CYP27C1: variants seen among roughly 807,000 people sequenced by gnomAD.
CYP27C1 encodes the protein cytochrome P450 27C1.
CYP27C1 carries 29 observed loss-of-function variants against 40.6 expected under a neutral mutation model. The observed-to-expected ratio is 0.71, with a 90% CI of 0.53 to 0.97. CYP27C1 has a LOEUF of 0.97. CYP27C1 is among the 50% of genes least tolerant of loss of function. The probability of loss-of-function intolerance (pLI) is 0.00; values close to 1 mark genes in which losing one functional copy is unlikely to be tolerated. For missense variants in CYP27C1, 390 were observed against 485.8 expected (o/e 0.80, Z 1.85); for synonymous variants, 198 against 186.8 (o/e 1.06, Z -0.49).
intron 8 of CYP27C1, 23 bp downstream of exon 8, chr2:127,193,071 A>G: frequency 5.0e-6 from 8 of 1,613,298 alleles, no homozygotes; most frequent in Non-Finnish European, 6.8e-6. Context: ...CCCAAAGGCC[A>G]ACGTTTGGCC....
In CYP27C1 at chr2:127,208,432, T is replaced by C. The variant is rs1683274700; in HGVS notation, c.283-2342A>G. Among the ~76,000 whole-genome samples the C allele has an allele frequency of 6.6e-6, 1 of 152,164 alleles. No individual in the cohort carries two copies. Among genetic ancestry groups the C allele is most frequent in the South Asian group, 2.1e-4 (1 of 4,828 alleles). On this transcript the variant is annotated intron_variant, in intron 1 of 8. Transcript: ENST00000664447. This position sits in a 1 kb window ranked among gnomAD's most constrained non-coding sequence, Gnocchi z 5.2. ...CCACCAGAGCCAAGCATCCCAACCCTGGTATGCACAGATTCCTACAGCCTC... is the reference window on the plus strand; with the variant it reads ...CCACCAGAGCCAAGCATCCCAACCCCGGTATGCACAGATTCCTACAGCCTC...
At position 127,185,517 on chromosome 2, in the gene CYP27C1, A is replaced by G. The variant is rs1025943798; in HGVS notation, c.*1754T>C. On this transcript the variant is annotated 3_prime_UTR_variant, in exon 9 of 9. Transcript: ENST00000664447. The surrounding 1 kb of genome is among the most constrained non-coding windows in gnomAD (Gnocchi z 4.9). The stretch of plus-strand genomic sequence containing the variant: ...TCATCTAGTTTATAAAACTTAATAT[A>G]CGTATACTGCTACCTCAAAGTAATC... 6.6e-6 allele frequency: 1 copy of G among 152,252 alleles called. No homozygotes were observed. Among genetic ancestry groups the G allele is most frequent in the Non-Finnish European group, 1.5e-5 (1 of 68,044 alleles). 9.4% of individuals were successfully genotyped at this position (152,252 alleles called of 1,614,324 possible).
chr2:127,215,793 T>C (rs1683420633), intron 1 of CYP27C1, among the ~76,000 whole-genome samples: 1 of 149,672 alleles, frequency 6.7e-6, no homozygotes, highest in Admixed American at 6.7e-5. Context: ...GTACCCAGAA[T>C]ATATAGAAAC....
chr2:127,204,606 A>AAGCAAGCAAGCAAGC (rs1558931534), intron 2 of CYP27C1, among the ~76,000 whole-genome samples: 11 of 100,948 alleles, frequency 1.1e-4, no homozygotes, highest in African/African-American at 4.6e-4. Flanking sequence ...AGAAAGAAAG[A>AAGCAAGCAAGCAAGC]AAGAAAGAAA....
At chr2:127,207,828 A>C (rs1392483321) in intron 1 of CYP27C1, among the ~76,000 whole-genome samples, 1 of 152,190 alleles carries the variant, frequency 6.6e-6, no homozygotes, top group East Asian at 1.9e-4. Context: ...AAATGGCAAG[A>C]CATGAAATAA....
In CYP27C1 at chr2:127,195,234, C is replaced by G; in HGVS notation, c.1214+101G>C. ...AATAACAGTCACGAACATCCTCATCCTGAACAGGTCAGCCGGGGGGGCATT... is the reference window on the plus strand; with the variant it reads ...AATAACAGTCACGAACATCCTCATCGTGAACAGGTCAGCCGGGGGGGCATT... On this transcript the variant is annotated intron_variant, in intron 6 of 8. Coordinates refer to ENST00000664447, the MANE Select transcript of CYP27C1 (RefSeq NM_001367502.1). This position sits in a 1 kb window ranked among gnomAD's most constrained non-coding sequence, Gnocchi z 6.2. The G allele has an allele frequency of 6.8e-7, 1 of 1,467,094 alleles. No individual in the cohort carries two copies. Among genetic ancestry groups the G allele is most frequent in the Non-Finnish European group, 9.4e-7 (1 of 1,065,600 alleles). The allele number at this position is 1,467,094 out of a possible 1,614,324, so 90.9% of individuals were successfully genotyped here.
chr2:127,205,539 A>G (rs1683205352), intron 2 of CYP27C1: 2 of 340,010 alleles, frequency 5.9e-6, no homozygotes, highest in African/African-American at 2.2e-5. Context: ...ATTTTCCTGA[A>G]ATAGTGACCA....
chr2:127,193,302 G>A lies in CYP27C1; in HGVS notation c.1294-5C>T. The A allele has an allele frequency of 6.2e-7, 1 of 1,614,128 alleles. No individual in the cohort carries two copies. The highest frequency in any genetic ancestry group is 8.5e-7 in the Non-Finnish European group (1 of 1,180,032). On this transcript the variant is annotated splice_polypyrimidine_tract_variant and splice_region_variant and intron_variant, in intron 7 of 8. Transcript: ENST00000664447. ...GTGGCAAAGGGCCAGCTGGGTCTGA[G>A]GAAATCAGGGATGACAGAAAAGGGA...
rs1207200740 is a variant in CYP27C1, at chr2:127,196,674, TC to T, written c.1048-1174del. Among the ~76,000 whole-genome samples, 6 of 152,172 alleles carry T rather than the reference TC, an allele frequency of 3.9e-5. No homozygotes were observed. The highest frequency in any genetic ancestry group is 1.4e-4 in the African/African-American group (6 of 41,444). ...AATTATAAAAGATTACTTAGATGCT[TC>T]CTATCAAGAGAATAGAAAATTTCTA... On this transcript the variant is annotated intron_variant, in intron 5 of 8. Coordinates refer to ENST00000664447, the MANE Select transcript of CYP27C1 (RefSeq NM_001367502.1). The surrounding 1 kb of genome is among the most constrained non-coding windows in gnomAD (Gnocchi z 4.5).
chr2:127,212,595 C>T (rs1253236840), intron 1 of CYP27C1, among the ~76,000 whole-genome samples: 1 of 152,032 alleles, frequency 6.6e-6, no homozygotes, highest in East Asian at 1.9e-4. Flanking sequence ...ATGCAGAAAA[C>T]GCCTTTGATA....
Position 127,184,929 on chromosome 2 carries a change from C to CCAGGCT in CYP27C1, c.*2341_*2342insAGCCTG. The CCAGGCT allele has an allele frequency of 6.6e-6, 1 of 152,414 alleles. No homozygotes were observed. Among genetic ancestry groups the CCAGGCT allele is most frequent in the East Asian group, 1.9e-4 (1 of 5,178 alleles). The allele number at this position is 152,414 out of a possible 1,614,324, so 9.4% of individuals were successfully genotyped here. On this transcript the variant is annotated 3_prime_UTR_variant, in exon 9 of 9. Transcript: ENST00000664447. Reference sequence around the variant, plus strand: ...CAACCTCCCAGACTTAAGCAATCCTCCAGCCTCAGCCTCCCAAATAGCTAG... The same window carrying CCAGGCT: ...CAACCTCCCAGACTTAAGCAATCCTCCAGGCTCAGCCTCAGCCTCCCAAATAGCTAG...
rs146690447 is a variant in CYP27C1, at chr2:127,201,255, G to T, written c.750C>A (p.Ile250=). Residue 250 remains isoleucine (I), a synonymous_variant, in exon 4 of 9, where the codon ATC becomes ATA. Coordinates refer to ENST00000664447, the MANE Select transcript of CYP27C1 (RefSeq NM_001367502.1). This position sits in a 1 kb window ranked among gnomAD's most constrained non-coding sequence, Gnocchi z 6.0. ...NSIPQLTVEY[I]EALELMFSMF... is the part of the protein sequence containing the mutation. ...TGCTAAACATGAGCTCCAGGGCCTCGATGTATTCCACAGTCAGCTGTGGGA... is the reference window on the plus strand; with the variant it reads ...TGCTAAACATGAGCTCCAGGGCCTCTATGTATTCCACAGTCAGCTGTGGGA... 2 of 1,609,032 alleles carry T rather than the reference G, an allele frequency of 1.2e-6. No homozygotes were observed. Among genetic ancestry groups the T allele is most frequent in the Non-Finnish European group, 1.7e-6 (2 of 1,177,484 alleles).
intron 8 of CYP27C1, among the ~76,000 whole-genome samples, chr2:127,190,679 G>A (rs1399545753): frequency 6.7e-6 from 1 of 148,848 alleles, no homozygotes; most frequent in East Asian, 2.1e-4. Flanking sequence ...AAGCGTGCTG[G>A]CTCACACCTG....
In CYP27C1 at chr2:127,184,794, AT is replaced by A. The variant is rs1288281904; in HGVS notation, c.*2476del. On this transcript the variant is annotated 3_prime_UTR_variant, in exon 9 of 9. Coordinates refer to ENST00000664447, the MANE Select transcript of CYP27C1 (RefSeq NM_001367502.1). ...TCCTATAGACCTCACTCTATTCTGG[AT>A]TTTGCTGACTGCATCCCCATGGAGT... The A allele has an allele frequency of 5.9e-5, 9 of 152,008 alleles. No individual in the cohort carries two copies. The highest frequency in any genetic ancestry group is 1.9e-4 in the African/African-American group (8 of 41,350). 9.4% of individuals were successfully genotyped at this position (152,008 alleles called of 1,614,324 possible).
chr2:127,215,145 A>T (rs1683408177), intron 1 of CYP27C1, among the ~76,000 whole-genome samples: 1 of 150,340 alleles, frequency 6.7e-6, no homozygotes. Flanking sequence ...AAAAAAAAAA[A>T]GACTTAGTAC....
intron 2 of CYP27C1, chr2:127,205,699 A>T (rs2104694047): frequency 1.0e-6 from 1 of 985,470 alleles, no homozygotes; most frequent in Non-Finnish European, 1.2e-6. Flanking sequence ...TGACGGGACA[A>T]CTCTGCACGG....
Position 127,196,667 on chromosome 2 carries a change from A to G in CYP27C1, c.1048-1166T>C, listed in dbSNP as rs550525865. 6.6e-6 allele frequency among the ~76,000 whole-genome samples: 1 copy of G among 152,360 alleles called. No homozygotes were observed. The highest frequency in any genetic ancestry group is 2.1e-4 in the South Asian group (1 of 4,826). ...TCTTATAAATTATAAAAGATTACTT[A>G]GATGCTTCCTATCAAGAGAATAGAA... On this transcript the variant is annotated intron_variant, in intron 5 of 8. Transcript: ENST00000664447. The surrounding 1 kb of genome is among the most constrained non-coding windows in gnomAD (Gnocchi z 4.5).
chr2:127,204,442 A>G (rs1322749259), intron 2 of CYP27C1, among the ~76,000 whole-genome samples: 1 of 24,450 alleles, frequency 4.1e-5, no homozygotes, highest in Non-Finnish European at 7.5e-5. Context: ...AAGAAAGAAA[A>G]AGAAAGAAAG....
chr2:127,212,919 CA>C (rs1220912725), intron 1 of CYP27C1, among the ~76,000 whole-genome samples: 1 of 152,158 alleles, frequency 6.6e-6, no homozygotes, highest in East Asian at 1.9e-4. Context: ...TAGAAAACCC[CA>C]TCATCTCAGC....
Sources: gnomAD v4.1 joint callset for allele counts (sites outside exome capture counted in the v4.1 genomes callset) on GRCh38, gnomAD v4.1.1 for gene constraint, Gnocchi (gnomAD v3.1) non-coding constraint, MANE v1.5 for transcripts, NCBI Gene and HGNC (gene_info 2026-07-23, HGNC 2026-07-21) for gene names.